ROR2: variants seen among roughly 807,000 people sequenced by gnomAD.
The protein encoded by ROR2 is ROR family WNT receptor 2.
A neutral mutation model predicts 74.9 loss-of-function variants in ROR2; 33 were observed. That is an observed-to-expected ratio of 0.44 (90% CI 0.33 to 0.59). ROR2 has a LOEUF of 0.59. Among genes scored for constraint, ROR2 ranks in the 20% least tolerant of loss-of-function variants. The pLI is 0.02. For synonymous variants in ROR2, 586 were observed against 558.7 expected, an observed-to-expected ratio of 1.05 and a Z score of -0.69; for missense variants, 1,216 against 1,313.8, an observed-to-expected ratio of 0.93 and a Z score of 1.15.
chr9:91,905,504 TAC>T lies in ROR2; in HGVS notation c.97+44361_97+44362del, dbSNP rs770984651. Among the ~76,000 whole-genome samples, 19 of 150,746 alleles carry T rather than the reference TAC, an allele frequency of 1.3e-4. No homozygotes were observed. Among genetic ancestry groups the T allele is most frequent in the South Asian group, 1.1e-3 (5 of 4,758 alleles). On this transcript the variant is annotated intron_variant, in intron 1 of 8. Coordinates refer to ENST00000375708, the MANE Select transcript of ROR2 (RefSeq NM_004560.4). The surrounding 1 kb of genome is among the most constrained non-coding windows in gnomAD (Gnocchi z 5.3). ...CACAACACATACCACATACACGACA[TAC>T]ACAGACATCACACACTACACACAAC...
rs1032679791 is a variant in ROR2, at chr9:91,847,778, C to T, written c.98-71960G>A. 3.3e-5 allele frequency among the ~76,000 whole-genome samples: 5 copies of T among 152,076 alleles called. No individual in the cohort carries two copies. The East Asian group carries it at 7.7e-4, about 24-fold the overall frequency. ...CGCAGGAAGACATCCTTCACGTCTT[C>T]GCTGCCACCAAGAATCACACTCCCC... On this transcript the variant is annotated intron_variant, in intron 1 of 8. Coordinates refer to ENST00000375708, the MANE Select transcript of ROR2 (RefSeq NM_004560.4).
chr9:91,938,958 T>C (rs1831775758), intron 1 of ROR2, among the ~76,000 whole-genome samples: 1 of 152,180 alleles, frequency 6.6e-6, no homozygotes, highest in African/African-American at 2.4e-5. Flanking sequence ...GCATTTTAAA[T>C]GTTAACAAGT....
At chr9:91,874,453 A>G (rs1355710321) in intron 1 of ROR2, among the ~76,000 whole-genome samples, 1 of 152,244 alleles carries the variant, frequency 6.6e-6, no homozygotes, top group Non-Finnish European at 1.5e-5. Flanking sequence ...TTATCTAGAA[A>G]AACTAAGTTG....
At chr9:91,928,036 G>A (rs950545744) in intron 1 of ROR2, among the ~76,000 whole-genome samples, 8 of 151,992 alleles carry the variant, frequency 5.3e-5, no homozygotes, top group African/African-American at 1.2e-4. Flanking sequence ...CTGGGAGCTC[G>A]CCTTTCTTAT....
At chr9:91,819,036 G>A (rs1048058204) in intron 1 of ROR2, among the ~76,000 whole-genome samples, 1 of 152,226 alleles carries the variant, frequency 6.6e-6, no homozygotes, top group African/African-American at 2.4e-5. Flanking sequence ...CAGTCCCAAA[G>A]AGGTGGTCCG....
chr9:91,859,358 C>T (rs987809661), intron 1 of ROR2, among the ~76,000 whole-genome samples: 4 of 151,966 alleles, frequency 2.6e-5, no homozygotes, highest in Non-Finnish European at 5.9e-5. Flanking sequence ...CGCCACCATG[C>T]TTTGCTAATT....
intron 6 of ROR2, 151 bp downstream of exon 6, chr9:91,732,971 G>A: frequency 1.3e-6 from 1 of 766,726 alleles, no homozygotes. Flanking sequence ...TGGAATGGAG[G>A]CCTAGGCTGT....
chr9:91,760,060 C>T (rs1393025792), intron 2 of ROR2, among the ~76,000 whole-genome samples: 2 of 152,242 alleles, frequency 1.3e-5, no homozygotes, highest in Non-Finnish European at 2.9e-5. Flanking sequence ...ACTTCTTCCC[C>T]ACTGGACAGG....
chr9:91,940,751 GC>G lies in ROR2; in HGVS notation c.97+9115del. ...GAGTAGTTGGGATTACAGGCACCCA[GC>G]CCCCACCCCCGGCTAATTTTTGTAT... On this transcript the variant is annotated intron_variant, in intron 1 of 8. Transcript: ENST00000375708. Among the ~76,000 whole-genome samples, 5 of 151,404 alleles carry G rather than the reference GC, an allele frequency of 3.3e-5. No homozygotes were observed. The South Asian group carries it at 1.1e-3, about 32-fold the overall frequency.
chr9:91,861,100 A>C (rs1402337733), intron 1 of ROR2, among the ~76,000 whole-genome samples: 1 of 152,220 alleles, frequency 6.6e-6, no homozygotes, highest in African/African-American at 2.4e-5. Flanking sequence ...TTGTTGAAAG[A>C]AATTTTTTAA....
chr9:91,758,860 C>T (rs925334791), intron 2 of ROR2, among the ~76,000 whole-genome samples: 1 of 152,228 alleles, frequency 6.6e-6, no homozygotes, highest in Non-Finnish European at 1.5e-5. Context: ...GGTCAAGAGG[C>T]TGGAGAACTA....
At chr9:91,875,685 T>C (rs1829935771) in intron 1 of ROR2, among the ~76,000 whole-genome samples, 1 of 151,664 alleles carries the variant, frequency 6.6e-6, no homozygotes, top group East Asian at 1.9e-4. Context: ...GAAAATGAAG[T>C]TTTCAGAGAC....
intron 1 of ROR2, among the ~76,000 whole-genome samples, chr9:91,826,447 T>C (rs765104818): frequency 1.3e-5 from 2 of 152,214 alleles, no homozygotes; most frequent in African/African-American, 4.8e-5. Flanking sequence ...CCTGCCATTG[T>C]ACCAGCATAA....
chr9:91,917,594 T>G (rs1440152433), intron 1 of ROR2, among the ~76,000 whole-genome samples: 1 of 152,158 alleles, frequency 6.6e-6, no homozygotes, highest in Non-Finnish European at 1.5e-5. Context: ...CACCCAACGT[T>G]GGCCAACCCT....
At chr9:91,743,779 C>T (rs894073581) in intron 4 of ROR2, among the ~76,000 whole-genome samples, 2 of 152,140 alleles carry the variant, frequency 1.3e-5, no homozygotes, top group South Asian at 2.1e-4. Context: ...AATGCCACTG[C>T]ACTCTATATT....
intron 1 of ROR2, among the ~76,000 whole-genome samples, chr9:91,940,231 G>C (rs1343581241): frequency 1.3e-5 from 2 of 152,210 alleles, no homozygotes; most frequent in Non-Finnish European, 2.9e-5. Context: ...ACAGTATTGA[G>C]ATGGTGTGAA....
At chr9:91,842,252 A>G (rs1428022465) in intron 1 of ROR2, among the ~76,000 whole-genome samples, 1 of 152,212 alleles carries the variant, frequency 6.6e-6, no homozygotes, top group Non-Finnish European at 1.5e-5. Flanking sequence ...TAATTACTCG[A>G]GCATACTCCT....
chr9:91,770,643 T>C (rs1826197267), intron 2 of ROR2, among the ~76,000 whole-genome samples: 1 of 152,196 alleles, frequency 6.6e-6, no homozygotes, highest in African/African-American at 2.4e-5. Context: ...GAAAAGTAAC[T>C]TTCTGTGGGG....
At chr9:91,825,553 C>G (rs1465477844) in intron 1 of ROR2, among the ~76,000 whole-genome samples, 1 of 152,116 alleles carries the variant, frequency 6.6e-6, no homozygotes, top group Non-Finnish European at 1.5e-5. Context: ...GAGACCCAGG[C>G]AGGGGGAGAA....
Sources: gnomAD v4.1 joint callset for allele counts (sites outside exome capture counted in the v4.1 genomes callset) on GRCh38, gnomAD v4.1.1 for gene constraint, Gnocchi (gnomAD v3.1) non-coding constraint, MANE v1.5 for transcripts, NCBI Gene and HGNC (gene_info 2026-07-23, HGNC 2026-07-21) for gene names.